Variants in ZFAND3 observed in about 807,000 individuals in gnomAD.
ZFAND3 encodes AN1-type zinc finger protein 3.
A neutral mutation model predicts 29.6 loss-of-function variants in ZFAND3; 10 were observed. The ratio of observed to expected loss-of-function variants is 0.34; its 90% CI spans 0.21 to 0.57. The LOEUF (loss-of-function observed/expected upper bound fraction) is 0.57, where lower values mean the gene tolerates loss of function less well. ZFAND3 is among the 20% of genes least tolerant of loss of function. The pLI, the probability that ZFAND3 is intolerant of heterozygous loss-of-function variation, is 0.86. For synonymous variants in ZFAND3, 128 were observed against 112.6 expected, an observed-to-expected ratio of 1.14 and a Z score of -0.87; for missense variants, 230 against 304.5, an observed-to-expected ratio of 0.76 and a Z score of 1.82.
At chr6:38,005,912 T>A (rs1225977585) in intron 2 of ZFAND3, among the ~76,000 whole-genome samples, 1 of 152,220 alleles carries the variant, frequency 6.6e-6, no homozygotes, top group Non-Finnish European at 1.5e-5. Context: ...CTTGAGCCAA[T>A]AATTCTGGTC....
intron 1 of ZFAND3, among the ~76,000 whole-genome samples, chr6:37,910,253 T>C (rs1238881282): frequency 1.3e-5 from 2 of 152,186 alleles, no homozygotes; most frequent in South Asian, 2.1e-4. Flanking sequence ...ATTTGTAAAA[T>C]GCAGATAATA....
chr6:38,118,192 T>C (rs1384827874), intron 5 of ZFAND3, among the ~76,000 whole-genome samples: 1 of 152,186 alleles, frequency 6.6e-6, no homozygotes, highest in Non-Finnish European at 1.5e-5. Flanking sequence ...GTTCAAAACC[T>C]TATTCTTAGG....
chr6:37,976,021 TC>T (rs1252365014), intron 2 of ZFAND3, among the ~76,000 whole-genome samples: 34 of 152,316 alleles, frequency 2.2e-4, no homozygotes, highest in African/African-American at 7.9e-4. Flanking sequence ...AAGTGATCTC[TC>T]TTTAGGCCTT....
At chr6:38,118,468 G>T (rs563947948) in intron 5 of ZFAND3, among the ~76,000 whole-genome samples, 16 of 152,100 alleles carry the variant, frequency 1.1e-4, no homozygotes, top group African/African-American at 3.6e-4. Flanking sequence ...GCTTTTGGTT[G>T]TTCCTCAGTT....
chr6:38,124,607 T>G (rs1347264790), intron 5 of ZFAND3, among the ~76,000 whole-genome samples: 1 of 152,178 alleles, frequency 6.6e-6, no homozygotes, highest in Non-Finnish European at 1.5e-5. Context: ...CCCGGGCCGC[T>G]CCGAGTGTGG....
chr6:37,903,224 A>T (rs1581748332), intron 1 of ZFAND3, among the ~76,000 whole-genome samples: 1 of 152,212 alleles, frequency 6.6e-6, no homozygotes, highest in Non-Finnish European at 1.5e-5. Context: ...GTATAATTGA[A>T]AAATCCTATA....
At chr6:37,821,807 A>C (rs946005941) in intron 1 of ZFAND3, among the ~76,000 whole-genome samples, 1 of 152,216 alleles carries the variant, frequency 6.6e-6, no homozygotes, top group Non-Finnish European at 1.5e-5. Context: ...CTTAGAAACT[A>C]AGGAAATGGA....
intron 5 of ZFAND3, among the ~76,000 whole-genome samples, chr6:38,123,689 T>A (rs565238488): frequency 6.6e-6 from 1 of 152,284 alleles, no homozygotes; most frequent in East Asian, 1.9e-4. Context: ...TTGGTCTCAC[T>A]GACTTCAAGA....
At chr6:37,983,450 G>A (rs1448379701) in intron 2 of ZFAND3, among the ~76,000 whole-genome samples, 3 of 146,910 alleles carry the variant, frequency 2.0e-5, no homozygotes, top group Non-Finnish European at 4.5e-5. Context: ...ACTGCCTCCC[G>A]GGTTCAAGCT....
chr6:38,026,421 ATTTTTTTTT>A (rs10715149), intron 2 of ZFAND3, among the ~76,000 whole-genome samples: 10 of 74,868 alleles, frequency 1.3e-4, no homozygotes, highest in South Asian at 5.8e-4. Flanking sequence ...TTACTTTAGG[ATTTTTTTTT>A]TTTTTTTTTT....
rs533709589 is a variant in ZFAND3, at chr6:38,001,203, G to A, written c.113-60390G>A. Among the ~76,000 whole-genome samples the A allele has an allele frequency of 2.0e-5, 3 of 152,236 alleles. No homozygotes were observed. In the East Asian group the frequency reaches 5.8e-4, roughly 29 times the overall value. ...CATTTTTATTCATTCTTTTAAATAAGTTACTTTCTCTTGACCTGGAGTAGG... is the reference window on the plus strand; with the variant it reads ...CATTTTTATTCATTCTTTTAAATAAATTACTTTCTCTTGACCTGGAGTAGG... On this transcript the variant is annotated intron_variant, in intron 2 of 5. Transcript: ENST00000287218.
intron 2 of ZFAND3, among the ~76,000 whole-genome samples, chr6:38,032,014 T>C (rs1486122508): frequency 6.6e-6 from 1 of 151,948 alleles, no homozygotes; most frequent in Non-Finnish European, 1.5e-5. Flanking sequence ...GGATTTTTAG[T>C]ATAGATGAGG....
chr6:38,082,152 T>TG (rs1764675756), intron 3 of ZFAND3, among the ~76,000 whole-genome samples: 1 of 151,432 alleles, frequency 6.6e-6, no homozygotes, highest in African/African-American at 2.4e-5. Flanking sequence ...GTTTTTTTTT[T>TG]TTTTGTGTGT....
At chr6:38,022,683 T>A (rs1390898324) in intron 2 of ZFAND3, among the ~76,000 whole-genome samples, 1 of 152,236 alleles carries the variant, frequency 6.6e-6, no homozygotes, top group Non-Finnish European at 1.5e-5. Context: ...GGGTACAGAC[T>A]TGATTTTGTT....
At chr6:37,846,240 G>T (rs1380502745) in intron 1 of ZFAND3, among the ~76,000 whole-genome samples, 1 of 152,170 alleles carries the variant, frequency 6.6e-6, no homozygotes, top group African/African-American at 2.4e-5. Context: ...TGTATTCAAT[G>T]AAATATACTT....
At chr6:37,822,050 G>T (rs1763677268) in intron 1 of ZFAND3, among the ~76,000 whole-genome samples, 1 of 152,200 alleles carries the variant, frequency 6.6e-6, no homozygotes, top group Admixed American at 6.5e-5. Context: ...GGCTAAGGTG[G>T]TCTCAAACTT....
intron 1 of ZFAND3, among the ~76,000 whole-genome samples, chr6:37,828,255 TAAAAA>T (rs989146445): frequency 2.0e-5 from 3 of 151,912 alleles, no homozygotes; most frequent in African/African-American, 7.3e-5. Flanking sequence ...TACAAGAAAG[TAAAAA>T]AAAATTTCTG....
chr6:38,114,655 C>G (rs752214618), intron 4 of ZFAND3, among the ~76,000 whole-genome samples: 1 of 152,094 alleles, frequency 6.6e-6, no homozygotes, highest in African/African-American at 2.4e-5. Flanking sequence ...CTACCAGCAT[C>G]ACCATCGGGG....
At chr6:37,870,672 A>G (rs1319185294) in intron 1 of ZFAND3, among the ~76,000 whole-genome samples, 1 of 151,230 alleles carries the variant, frequency 6.6e-6, no homozygotes, top group African/African-American at 2.4e-5. Flanking sequence ...TTTTTTAACT[A>G]AGAAATTAGT....
Sources: gnomAD v4.1 joint callset for allele counts (sites outside exome capture counted in the v4.1 genomes callset) on GRCh38, gnomAD v4.1.1 for gene constraint, MANE v1.5 for transcripts, NCBI Gene and HGNC (gene_info 2026-07-23, HGNC 2026-07-21) for gene names.